ACTL8: variants seen among roughly 807,000 people sequenced by gnomAD.
The protein encoded by ACTL8 is actin-like protein 8.
A neutral mutation model predicts 9.3 loss-of-function variants in ACTL8; 3 were observed. The observed-to-expected ratio is 0.32, with a 90% CI of 0.15 to 0.83. ACTL8 has a LOEUF of 0.83. Ranked by LOEUF, ACTL8 falls within the 40% of genes least tolerant of loss-of-function variation. ACTL8 has a pLI of 0.57. For synonymous variants in ACTL8, 224 were observed against 205.9 expected (o/e 1.09, Z -0.75); for missense variants, 381 against 492.2 (o/e 0.77, Z 2.14).
At chr1:17,772,976 CG>C (rs1553120412) in intron 1 of ACTL8, among the ~76,000 whole-genome samples, 1 of 152,112 alleles carries the variant, frequency 6.6e-6, no homozygotes, top group Non-Finnish European at 1.5e-5. Context: ...GGTTGACCCT[CG>C]CTCACAGCAG....
intron 1 of ACTL8, among the ~76,000 whole-genome samples, chr1:17,764,644 C>G (rs555264619): frequency 7.9e-4 from 121 of 152,302 alleles, no homozygotes; most frequent in Non-Finnish European, 1.4e-3. Flanking sequence ...GTCGCCCCCA[C>G]GCTGTTGATG....
intron 1 of ACTL8, among the ~76,000 whole-genome samples, chr1:17,758,186 T>A (rs1276377308): frequency 6.6e-6 from 1 of 152,122 alleles, no homozygotes; most frequent in East Asian, 1.9e-4. Flanking sequence ...TCAGTGGGGA[T>A]AAGGGGGTCC....
At chr1:17,803,176 C>T (rs1052154203) in intron 1 of ACTL8, among the ~76,000 whole-genome samples, 4 of 152,086 alleles carry the variant, frequency 2.6e-5, no homozygotes, top group Non-Finnish European at 4.4e-5. Flanking sequence ...CTTACAAGAT[C>T]TGATTGTTTT....
chr1:17,756,794 C>G (rs2065971553), intron 1 of ACTL8, among the ~76,000 whole-genome samples: 1 of 152,134 alleles, frequency 6.6e-6, no homozygotes, highest in Non-Finnish European at 1.5e-5. Context: ...TTATATGAGT[C>G]TATCATTTGC....
chr1:17,763,212 G>C (rs2066019885), intron 1 of ACTL8, among the ~76,000 whole-genome samples: 1 of 152,162 alleles, frequency 6.6e-6, no homozygotes, highest in South Asian at 2.1e-4. Flanking sequence ...GATTCATTCT[G>C]TCTGGGTTTC....
chr1:17,774,176 C>A (rs1458016719), intron 1 of ACTL8, among the ~76,000 whole-genome samples: 2 of 152,190 alleles, frequency 1.3e-5, no homozygotes, highest in Non-Finnish European at 2.9e-5. Flanking sequence ...TCGTTTAGCT[C>A]CAGCAGGGGC....
At chr1:17,819,866 G>T (rs1298273983) in intron 1 of ACTL8, among the ~76,000 whole-genome samples, 1 of 151,742 alleles carries the variant, frequency 6.6e-6, no homozygotes, top group Non-Finnish European at 1.5e-5. Context: ...AAATTAGCTG[G>T]GTGTGCATGG....
chr1:17,810,247 C>T (rs1487642592), intron 1 of ACTL8, among the ~76,000 whole-genome samples: 5 of 152,188 alleles, frequency 3.3e-5, no homozygotes, highest in African/African-American at 9.7e-5. Flanking sequence ...TAGTTCAATA[C>T]GTTCTCCAAT....
In ACTL8 at chr1:17,826,096, G is replaced by T. The variant is rs759844551; in HGVS notation, c.678G>T (p.Glu226Asp). Residue 226 changes from glutamate (E) to aspartate (D), a missense_variant, in exon 3 of 3, where the codon GAG becomes GAT. Coordinates refer to ENST00000375406, the MANE Select transcript of ACTL8 (RefSeq NM_030812.3). This position sits in a 1 kb window ranked among gnomAD's most constrained non-coding sequence, Gnocchi z 4.5. The part of the protein sequence containing the change: ...QNLGEALDFR[E>D]RQQSALDESN... The stretch of plus-strand genomic sequence containing the variant: ...TGGGGGAGGCCCTGGACTTTCGTGA[G>T]AGGCAGCAGAGTGCCTTGGATGAGA... 4 of 1,609,096 alleles carry T rather than the reference G, an allele frequency of 2.5e-6. No homozygotes were observed. Among genetic ancestry groups the T allele is most frequent in the Non-Finnish European group, 3.4e-6 (4 of 1,179,466 alleles).
At chr1:17,798,101 G>A (rs2066291289) in intron 1 of ACTL8, among the ~76,000 whole-genome samples, 1 of 150,126 alleles carries the variant, frequency 6.7e-6, no homozygotes, top group Admixed American at 6.7e-5. Flanking sequence ...TTCTCTCCTA[G>A]GATCTCAAGG....
At chr1:17,772,004 C>A (rs996513806) in intron 1 of ACTL8, among the ~76,000 whole-genome samples, 1 of 152,166 alleles carries the variant, frequency 6.6e-6, no homozygotes, top group Admixed American at 6.5e-5. Context: ...GAGACAGAGA[C>A]AGAAAGCAGG....
chr1:17,826,592 T>TG lies in ACTL8; in HGVS notation c.*76dup. On this transcript the variant is annotated 3_prime_UTR_variant, in exon 3 of 3. Transcript: ENST00000375406. This position sits in a 1 kb window ranked among gnomAD's most constrained non-coding sequence, Gnocchi z 4.5. Reference sequence around the variant, plus strand: ...GCGGATTAATTTTAGCAAAATGTTCTGGGTGGGGGTAGAATGAGGTGGGGT... The same window carrying TG: ...GCGGATTAATTTTAGCAAAATGTTCTGGGGTGGGGGTAGAATGAGGTGGGGT... 7.3e-7 allele frequency: 1 copy of TG among 1,372,986 alleles called. No individual in the cohort carries two copies. The highest frequency in any genetic ancestry group is 2.5e-5 in the East Asian group (1 of 39,320). 85.1% of individuals were successfully genotyped at this position (1,372,986 alleles called of 1,614,324 possible).
intron 1 of ACTL8, among the ~76,000 whole-genome samples, chr1:17,803,217 G>A (rs1037923433): frequency 1.3e-5 from 2 of 150,742 alleles, no homozygotes; most frequent in African/African-American, 4.9e-5. Context: ...CCTTTTGCTC[G>A]GCACTTCTCC....
At chr1:17,778,861 C>T (rs750759722) in intron 1 of ACTL8, among the ~76,000 whole-genome samples, 18 of 152,026 alleles carry the variant, frequency 1.2e-4, no homozygotes, top group Non-Finnish European at 2.1e-4. Flanking sequence ...ATTTGGTGCT[C>T]GTGTGTTGGG....
intron 1 of ACTL8, among the ~76,000 whole-genome samples, chr1:17,766,151 T>A (rs2102675736): frequency 6.6e-6 from 1 of 152,326 alleles, no homozygotes; most frequent in African/African-American, 2.4e-5. Context: ...GCTCCACGGC[T>A]GTGATGGAGG....
At chr1:17,795,652 G>C (rs1454716285) in intron 1 of ACTL8, among the ~76,000 whole-genome samples, 1 of 152,164 alleles carries the variant, frequency 6.6e-6, no homozygotes, top group Non-Finnish European at 1.5e-5. Context: ...GCTCCAATCA[G>C]GGAGGCAGTA....
At chr1:17,818,646 T>G (rs2066445073) in intron 1 of ACTL8, among the ~76,000 whole-genome samples, 1 of 152,236 alleles carries the variant, frequency 6.6e-6, no homozygotes, top group African/African-American at 2.4e-5. Context: ...TTCACATGCC[T>G]TATTCCCTCA....
At chr1:17,771,455 T>G (rs1347786977) in intron 1 of ACTL8, among the ~76,000 whole-genome samples, 1 of 152,222 alleles carries the variant, frequency 6.6e-6, no homozygotes, top group Non-Finnish European at 1.5e-5. Flanking sequence ...GTCACTGATA[T>G]TACCTTGATC....
intron 1 of ACTL8, among the ~76,000 whole-genome samples, chr1:17,775,493 C>T (rs1384539800): frequency 1.3e-5 from 2 of 152,162 alleles, no homozygotes; most frequent in African/African-American, 4.8e-5. Context: ...GAGGTCCAGC[C>T]AGGGCTGTAC....
Sources: allele counts gnomAD v4.1 joint callset (sites outside exome capture counted in the v4.1 genomes callset), GRCh38; gene constraint gnomAD v4.1.1; non-coding constraint Gnocchi (gnomAD v3.1); transcripts MANE v1.5; gene names NCBI Gene and HGNC (gene_info 2026-07-23, HGNC 2026-07-21).